NRXN3: variants seen among roughly 807,000 people sequenced by gnomAD.
NRXN3 encodes the protein neurexin 3, also known as neurexin III.
Under a neutral mutation model 137.6 loss-of-function variants are expected in NRXN3, and 32 were observed. The observed-to-expected ratio is 0.23, with a 90% CI of 0.18 to 0.31. The LOEUF is 0.31. NRXN3 is among the 10% of genes least tolerant of loss of function. The pLI is 1.00. For missense variants in NRXN3, 1,574 were observed against 2,062.5 expected (o/e 0.76, Z 4.59); for synonymous variants, 798 against 784.5 (o/e 1.02, Z -0.29).
At chr14:79,656,641 T>C (rs1265326947) in intron 16 of NRXN3, among the ~76,000 whole-genome samples, 3 of 147,140 alleles carry the variant, frequency 2.0e-5, no homozygotes, top group Non-Finnish European at 3.0e-5. Flanking sequence ...TTGCTTGGAG[T>C]CAGAGATGGA....
rs114023212 is a variant in NRXN3, at chr14:79,170,030, C to T, written c.3262+181889C>T. ...CTCTTATGCAAAATTGTAAGTTCTC[C>T]GAGAATAGTCTTCCACACTTAGCAT... On this transcript the variant is annotated intron_variant, in intron 15 of 20. Transcript: ENST00000335750. 8.9e-3 allele frequency among the ~76,000 whole-genome samples: 1,350 copies of T among 152,012 alleles called. 17 individuals carry two copies. The highest frequency in any genetic ancestry group is 0.041 in the Middle Eastern group (12 of 294).
At position 78,470,861 on chromosome 14, in the gene NRXN3, A is replaced by G. The variant is rs540630836; in HGVS notation, c.757+173001A>G. The stretch of plus-strand genomic sequence containing the variant: ...TGGGGTACTGGACCAGGTAAGTGTT[A>G]ACATACCCATTTCACAGATGGAAAA... On this transcript the variant is annotated intron_variant, in intron 4 of 20. Transcript: ENST00000335750. 4.0e-4 allele frequency among the ~76,000 whole-genome samples: 61 copies of G among 152,294 alleles called. No individual in the cohort carries two copies. The Middle Eastern group carries it at 0.02, about 51-fold the overall frequency.
At chr14:78,721,946 T>C (rs1271544570) in intron 8 of NRXN3, among the ~76,000 whole-genome samples, 1 of 152,112 alleles carries the variant, frequency 6.6e-6, no homozygotes, top group Non-Finnish European at 1.5e-5. Flanking sequence ...CTCTTTTTTT[T>C]TTTAACTTCC....
intron 10 of NRXN3, among the ~76,000 whole-genome samples, chr14:78,870,622 T>C (rs1232860022): frequency 6.6e-6 from 1 of 152,092 alleles, no homozygotes. Flanking sequence ...ACGCTAGATC[T>C]TATTCCTTCT....
intron 10 of NRXN3, among the ~76,000 whole-genome samples, chr14:78,827,400 CAT>C (rs1009966827): frequency 3.9e-5 from 6 of 152,032 alleles, no homozygotes; most frequent in Non-Finnish European, 7.4e-5. Context: ...CATATGGACG[CAT>C]ATATATGGGT....
In NRXN3 at chr14:78,803,838, AC is replaced by A; in HGVS notation, c.2248+18del. 1.9e-6 allele frequency: 3 copies of A among 1,604,832 alleles called. No individual in the cohort carries two copies. The highest frequency in any genetic ancestry group is 2.6e-6 in the Non-Finnish European group (3 of 1,174,256). On this transcript the variant is annotated intron_variant, in intron 9 of 20. Coordinates refer to ENST00000335750, the MANE Select transcript of NRXN3 (RefSeq NM_001330195.2). ...GGTTAACTTAGGTATCGTATGAAGT[AC>A]CCTCTGCCACTTCGTTTGGGCTTGT...
chr14:79,002,474 T>C (rs2099543532), intron 15 of NRXN3, among the ~76,000 whole-genome samples: 1 of 152,168 alleles, frequency 6.6e-6, no homozygotes, highest in Non-Finnish European at 1.5e-5. Flanking sequence ...CAGTGTTTGG[T>C]TTACTGTTCC....
intron 15 of NRXN3, among the ~76,000 whole-genome samples, chr14:79,250,008 A>G (rs1046506395): frequency 6.6e-6 from 1 of 152,252 alleles, no homozygotes. Flanking sequence ...ATAACCAATC[A>G]GTATACAGAG....
At chr14:78,402,546 G>A (rs2092167507) in intron 4 of NRXN3, among the ~76,000 whole-genome samples, 1 of 152,174 alleles carries the variant, frequency 6.6e-6, no homozygotes, top group Non-Finnish European at 1.5e-5. Context: ...TAGCAGAGGA[G>A]TAAAGTGGAA....
chr14:79,278,498 G>C (rs1004350408), intron 15 of NRXN3, among the ~76,000 whole-genome samples: 4 of 152,216 alleles, frequency 2.6e-5, no homozygotes, highest in African/African-American at 9.6e-5. Flanking sequence ...ACACCGTGCT[G>C]TCTTTGATGC....
rs904493059 is a variant in NRXN3 at position 79,616,321 on chromosome 14, G to A, written c.3445-47457G>A. On this transcript the variant is annotated intron_variant, in intron 16 of 20. Coordinates refer to ENST00000335750, the MANE Select transcript of NRXN3 (RefSeq NM_001330195.2). ...GATATGTGTGGGAAATCTTTAAGGG[G>A]TACATTTGGCACAACTAGGTGATAG... 2.6e-5 allele frequency among the ~76,000 whole-genome samples: 4 copies of A among 152,172 alleles called. No homozygotes were observed. The East Asian group carries it at 7.7e-4, about 29-fold the overall frequency.
intron 15 of NRXN3, among the ~76,000 whole-genome samples, chr14:79,308,682 C>T (rs1445459471): frequency 1.3e-5 from 2 of 151,872 alleles, no homozygotes; most frequent in Non-Finnish European, 2.9e-5. Flanking sequence ...GGTCTGAGAA[C>T]CAGATGGAAG....
chr14:78,664,017 G>A (rs1365016751), intron 6 of NRXN3, among the ~76,000 whole-genome samples: 1 of 152,208 alleles, frequency 6.6e-6, no homozygotes, highest in Non-Finnish European at 1.5e-5. Flanking sequence ...TGTGGAGAGT[G>A]TGCCACAAAT....
chr14:79,244,214 C>T (rs1219271460), intron 15 of NRXN3, among the ~76,000 whole-genome samples: 1 of 152,112 alleles, frequency 6.6e-6, no homozygotes, highest in Admixed American at 6.6e-5. Context: ...TCTGCATACT[C>T]CTCCAATGTG....
chr14:78,262,079 G>C (rs2070831716), intron 2 of NRXN3, among the ~76,000 whole-genome samples: 1 of 152,208 alleles, frequency 6.6e-6, no homozygotes, highest in Non-Finnish European at 1.5e-5. Flanking sequence ...GTGTTTCTGA[G>C]GAGGTGACAT....
At chr14:78,650,164 T>G (rs534420122) in intron 5 of NRXN3, among the ~76,000 whole-genome samples, 6 of 152,276 alleles carry the variant, frequency 3.9e-5, no homozygotes, top group Admixed American at 1.3e-4. Context: ...TGAATGCTTT[T>G]TTTTCACTTC....
intron 1 of NRXN3, among the ~76,000 whole-genome samples, chr14:78,192,212 C>T (rs2060816756): frequency 6.6e-6 from 1 of 151,962 alleles, no homozygotes. Context: ...GCTATTAATA[C>T]TGCTCAGATG....
At chr14:79,491,728 A>G (rs920816068) in intron 16 of NRXN3, among the ~76,000 whole-genome samples, 5 of 152,182 alleles carry the variant, frequency 3.3e-5, no homozygotes, top group Non-Finnish European at 7.3e-5. Flanking sequence ...AATGAGCATG[A>G]TGGACTAGTG....
chr14:79,626,217 T>G (rs1391616009), intron 16 of NRXN3, among the ~76,000 whole-genome samples: 1 of 150,576 alleles, frequency 6.6e-6, no homozygotes, highest in Non-Finnish European at 1.5e-5. Flanking sequence ...AATTTCCAGA[T>G]AGAGTTCTTT....
Sources: allele counts gnomAD v4.1 joint callset (sites outside exome capture counted in the v4.1 genomes callset), GRCh38; gene constraint gnomAD v4.1.1; transcripts MANE v1.5; gene names NCBI Gene and HGNC (gene_info 2026-07-23, HGNC 2026-07-21).